FAT3: variants seen among roughly 807,000 people sequenced by gnomAD.
FAT3 encodes FAT atypical cadherin 3.
FAT3 carries 95 observed loss-of-function variants against 310.2 expected under a neutral mutation model. The observed-to-expected ratio is 0.31, with a 90% CI of 0.26 to 0.36. The LOEUF is 0.36. Among genes scored for constraint, FAT3 ranks in the 10% least tolerant of loss-of-function variants. The pLI, the probability that FAT3 is intolerant of heterozygous loss-of-function variation, is 1.00. For missense variants in FAT3, 5,408 were observed against 5,715.6 expected (o/e 0.95, Z 1.74); for synonymous variants, 2,314 against 2,192.9 (o/e 1.06, Z -1.54).
chr11:92,827,411 G>GA (rs1948129953), intron 13 of FAT3, among the ~76,000 whole-genome samples: 3 of 152,168 alleles, frequency 2.0e-5, no homozygotes, highest in Non-Finnish European at 4.4e-5. Flanking sequence ...CATAGTGCTG[G>GA]AAAATAATCT....
At position 92,263,654 on chromosome 11, in the gene FAT3, T is replaced by TAGAG. The variant is rs772399254; in HGVS notation, c.-18+38486_-18+38489dup. Among the ~76,000 whole-genome samples the TAGAG allele has an allele frequency of 6.1e-3, 922 of 151,604 alleles. 8 individuals are homozygous for TAGAG. Among genetic ancestry groups the TAGAG allele is most frequent in the African/African-American group, 0.02 (811 of 41,264 alleles). On this transcript the variant is annotated intron_variant, in intron 1 of 27. Coordinates refer to ENST00000525166, the MANE Select transcript of FAT3 (RefSeq NM_001367949.2). ...GTGTGTGTGTATATATATATATATA[T>TAGAG]AGAGAGAGATGCATATATATTTGCA...
intron 9 of FAT3, among the ~76,000 whole-genome samples, chr11:92,797,445 C>T (rs1947205015): frequency 6.6e-6 from 1 of 152,206 alleles, no homozygotes; most frequent in Non-Finnish European, 1.5e-5. Context: ...AAACCAGTGG[C>T]ATTCATATGT....
chr11:92,283,119 G>A lies in FAT3; in HGVS notation c.-18+57945G>A, dbSNP rs115062880. Among the ~76,000 whole-genome samples the A allele has an allele frequency of 6.2e-3, 945 of 152,150 alleles. 16 individuals are homozygous for A. The highest frequency in any genetic ancestry group is 0.021 in the African/African-American group (882 of 41,530). On this transcript the variant is annotated intron_variant, in intron 1 of 27. Transcript: ENST00000525166. ...GCACTTAGTAGGTGTTCTGTGCTCT[G>A]TCTACAGCCCAGCCCGATTGTCTTA...
At chr11:92,773,537 A>T (rs1304117223) in intron 6 of FAT3, among the ~76,000 whole-genome samples, 1 of 152,174 alleles carries the variant, frequency 6.6e-6, no homozygotes, top group African/African-American at 2.4e-5. Flanking sequence ...TTTAGAATTC[A>T]TAATTTTATT....
intron 2 of FAT3, among the ~76,000 whole-genome samples, chr11:92,384,534 G>A (rs1398712303): frequency 3.3e-5 from 5 of 152,264 alleles, no homozygotes; most frequent in African/African-American, 4.8e-5. Flanking sequence ...GCCCCATGAT[G>A]TGTTGATTCA....
In FAT3 at chr11:92,352,924, A is replaced by G. The variant is rs1220371009; in HGVS notation, c.812A>G (p.His271Arg). The G allele has an allele frequency of 1.2e-6, 2 of 1,613,778 alleles. No individual in the cohort carries two copies. Among genetic ancestry groups the G allele is most frequent in the East Asian group, 2.2e-5 (1 of 44,892 alleles). The change falls in exon 2 of 28, where the codon CAT becomes CGT. Residue 271 changes from histidine (H) to arginine (R), a missense_variant. This residue lies in a region of FAT3 where 4,588 missense variants were observed against 4,809.8 expected (regional missense o/e 0.95). Coordinates refer to ENST00000525166, the MANE Select transcript of FAT3 (RefSeq NM_001367949.2). ...GCCCCAACAATCCATGTAGTCACTC[A>G]TGTTCCTTTCTCGTTGGAAAAAGAG... ...EHAPTIHVVT[H>R]VPFSLEKEPT...
chr11:92,229,507 G>GT (rs1565339350), intron 1 of FAT3, among the ~76,000 whole-genome samples: 8 of 58,168 alleles, frequency 1.4e-4, no homozygotes, highest in African/African-American at 1.9e-4. Context: ...TTTTTTTTTT[G>GT]TTTTTTGTTT....
chr11:92,248,199 T>G (rs1865000716), intron 1 of FAT3, among the ~76,000 whole-genome samples: 1 of 152,102 alleles, frequency 6.6e-6, no homozygotes, highest in African/African-American at 2.4e-5. Context: ...GAGCTATGTT[T>G]TAAATTCATC....
At chr11:92,241,213 C>G (rs565023086) in intron 1 of FAT3, among the ~76,000 whole-genome samples, 1 of 152,170 alleles carries the variant, frequency 6.6e-6, no homozygotes, top group African/African-American at 2.4e-5. Context: ...TAGCTTTGGA[C>G]TTTCTATCTG....
rs1591726791 is a variant in FAT3, at chr11:92,783,869, C to T, written c.4336-6074C>T. On this transcript the variant is annotated intron_variant, in intron 7 of 27. Transcript: ENST00000525166. The stretch of plus-strand genomic sequence containing the variant: ...GGAGATCAATTTTTGAAAATAGATT[C>T]TAATTTTAAAGGGACCAGGGATCTT... 3.3e-5 allele frequency among the ~76,000 whole-genome samples: 5 copies of T among 152,200 alleles called. No individual in the cohort carries two copies. In the East Asian group the frequency reaches 7.7e-4, roughly 23 times the overall value.
chr11:92,641,396 C>T (rs77597730), intron 3 of FAT3, among the ~76,000 whole-genome samples: 5,309 of 152,236 alleles, frequency 0.035, 318 homozygotes, highest in African/African-American at 0.12. Context: ...CTTAAAACAT[C>T]AGGCATTTAT....
chr11:92,717,099 A>G (rs1446111153), intron 4 of FAT3, among the ~76,000 whole-genome samples: 1 of 152,192 alleles, frequency 6.6e-6, no homozygotes, highest in African/African-American at 2.4e-5. Flanking sequence ...TGTAGAAAGC[A>G]TGTGTGGAGA....
At chr11:92,850,411 T>C (rs1356735371) in intron 19 of FAT3, among the ~76,000 whole-genome samples, 2 of 152,204 alleles carry the variant, frequency 1.3e-5, no homozygotes, top group African/African-American at 4.8e-5. Context: ...AGAGGAGGTC[T>C]TGAATGAAAT....
chr11:92,374,331 ATGTT>A (rs1389340911), intron 2 of FAT3, among the ~76,000 whole-genome samples: 1 of 152,216 alleles, frequency 6.6e-6, no homozygotes, highest in Non-Finnish European at 1.5e-5. Flanking sequence ...CACATTATGC[ATGTT>A]TTCCTTGATT....
intron 2 of FAT3, among the ~76,000 whole-genome samples, chr11:92,518,626 G>C (rs1021579644): frequency 6.6e-6 from 1 of 151,560 alleles, no homozygotes; most frequent in East Asian, 1.9e-4. Flanking sequence ...AAACCTGCAC[G>C]TTTTGCACAT....
At chr11:92,284,281 G>A (rs563230463) in intron 1 of FAT3, among the ~76,000 whole-genome samples, 5 of 152,058 alleles carry the variant, frequency 3.3e-5, no homozygotes, top group African/African-American at 1.2e-4. Context: ...TAACGCCTCC[G>A]AGAACTACAG....
intron 3 of FAT3, among the ~76,000 whole-genome samples, chr11:92,582,096 C>A (rs1330143204): frequency 6.6e-6 from 1 of 151,864 alleles, no homozygotes; most frequent in Non-Finnish European, 1.5e-5. Context: ...CTGACGTTGT[C>A]ATGGCATCTG....
intron 2 of FAT3, among the ~76,000 whole-genome samples, chr11:92,453,745 A>G (rs1047178360): frequency 6.6e-6 from 1 of 152,152 alleles, no homozygotes; most frequent in African/African-American, 2.4e-5. Flanking sequence ...TTTTTCCCCC[A>G]AGTAACAACT....
intron 2 of FAT3, among the ~76,000 whole-genome samples, chr11:92,412,724 T>TATATATATATATATACAC (rs1950308262): frequency 3.0e-5 from 1 of 33,378 alleles, no homozygotes; most frequent in African/African-American, 7.8e-5. Flanking sequence ...TATATATATA[T>TATATATATATATATACAC]ATATATATAT....
Sources: gnomAD v4.1 joint callset for allele counts (sites outside exome capture counted in the v4.1 genomes callset) on GRCh38, gnomAD v4.1.1 for gene constraint, gnomAD v4.1.1 regional missense constraint, MANE v1.5 for transcripts, NCBI Gene and HGNC (gene_info 2026-07-23, HGNC 2026-07-21) for gene names.